Variants in SLIT1 observed in about 807,000 individuals in gnomAD.
SLIT1 encodes slit homolog 1 protein.
SLIT1 carries 66 observed loss-of-function variants against 186.1 expected under a neutral mutation model. The observed-to-expected ratio is 0.35, with a 90% CI of 0.29 to 0.44. The LOEUF is 0.44. Ranked by LOEUF, SLIT1 falls within the 20% of genes least tolerant of loss-of-function variation. SLIT1 has a pLI of 1.00. For missense variants in SLIT1, 1,638 were observed against 2,037.4 expected (o/e 0.80, Z 3.77); for synonymous variants, 761 against 833.8 (o/e 0.91, Z 1.50).
chr10:97,086,407 TA>T (rs77306001), intron 4 of SLIT1, among the ~76,000 whole-genome samples: 441 of 142,952 alleles, frequency 3.1e-3, no homozygotes, highest in South Asian at 5.4e-3. Context: ...CTGTCTCTAC[TA>T]AAAAAAAAAA....
At chr10:97,082,726 G>T (rs929127956) in intron 4 of SLIT1, among the ~76,000 whole-genome samples, 3 of 151,908 alleles carry the variant, frequency 2.0e-5, no homozygotes, top group Non-Finnish European at 4.4e-5. Flanking sequence ...GAGCCACCAC[G>T]CCCAGCCTCA....
intron 4 of SLIT1, among the ~76,000 whole-genome samples, chr10:97,109,981 C>T (rs1041032340): frequency 6.6e-6 from 1 of 152,154 alleles, no homozygotes; most frequent in Non-Finnish European, 1.5e-5. Context: ...TTAGGACAGA[C>T]CCTTAATGCC....
At chr10:97,133,355 C>A (rs1374180705) in intron 4 of SLIT1, among the ~76,000 whole-genome samples, 1 of 152,174 alleles carries the variant, frequency 6.6e-6, no homozygotes, top group Non-Finnish European at 1.5e-5. Context: ...AGTGTGAAAC[C>A]AGCCTGGGCA....
At chr10:97,158,490 C>T (rs934812194) in intron 3 of SLIT1, among the ~76,000 whole-genome samples, 3 of 151,824 alleles carry the variant, frequency 2.0e-5, no homozygotes, top group African/African-American at 7.3e-5. Context: ...GGTGAAACCC[C>T]GTCTCTACTA....
rs1262401849 is a variant in SLIT1, at chr10:97,141,668, C to CATTGT, written c.413+16145_413+16149dup. Among the ~76,000 whole-genome samples the CATTGT allele has an allele frequency of 7.1e-3, 771 of 108,526 alleles. 4 individuals are homozygous for CATTGT. The highest frequency in any genetic ancestry group is 0.021 in the East Asian group (66 of 3,122). 71.2% of individuals were successfully genotyped at this position (108,526 alleles called of 152,430 possible). On this transcript the variant is annotated intron_variant, in intron 4 of 36. Coordinates refer to ENST00000266058, the MANE Select transcript of SLIT1 (RefSeq NM_003061.3). Reference sequence around the variant, plus strand: ...TATTGCATTGTATTGTATTGCATTGCATTGTATCGTATTGTATCGTATCGT... The same window carrying CATTGT: ...TATTGCATTGTATTGTATTGCATTGCATTGTATTGTATCGTATTGTATCGTATCGT...
At chr10:97,013,196 A>G (rs1029653904) in intron 30 of SLIT1, among the ~76,000 whole-genome samples, 4 of 152,212 alleles carry the variant, frequency 2.6e-5, no homozygotes, top group African/African-American at 9.7e-5. Flanking sequence ...CACAAAATCT[A>G]TACATATTCA....
At chr10:97,095,843 C>G (rs538045639) in intron 4 of SLIT1, among the ~76,000 whole-genome samples, 2 of 152,334 alleles carry the variant, frequency 1.3e-5, no homozygotes, top group Non-Finnish European at 1.5e-5. Context: ...CAGACGCTAT[C>G]ATCTCTAAAG....
intron 4 of SLIT1, among the ~76,000 whole-genome samples, chr10:97,082,423 A>AT (rs977618418): frequency 6.6e-6 from 1 of 151,884 alleles, no homozygotes. Context: ...TAATTCTTTT[A>AT]TTTTTTATTT....
At position 97,184,038 on chromosome 10, in the gene SLIT1, A is replaced by G. The variant is rs867082990; in HGVS notation, c.197+1440T>C. 1.3e-5 allele frequency among the ~76,000 whole-genome samples: 2 copies of G among 151,114 alleles called. No individual in the cohort carries two copies. The highest frequency in any genetic ancestry group is 4.9e-5 in the African/African-American group (2 of 41,046). ...ATGCACCACACACACACACACACAC[A>G]CACACACACACACACACACACTTCC... On this transcript the variant is annotated intron_variant, in intron 1 of 36. Transcript: ENST00000266058. The surrounding 1 kb of genome is among the most constrained non-coding windows in gnomAD (Gnocchi z 4.4).
chr10:97,076,223 C>G (rs1166568755), intron 4 of SLIT1, among the ~76,000 whole-genome samples: 1 of 152,200 alleles, frequency 6.6e-6, no homozygotes, highest in Non-Finnish European at 1.5e-5. Context: ...CAGAGGAAGA[C>G]TTGGCATCTC....
intron 4 of SLIT1, among the ~76,000 whole-genome samples, chr10:97,076,240 T>C (rs1849044686): frequency 6.6e-6 from 1 of 152,184 alleles, no homozygotes. Context: ...TCTCCAGCAT[T>C]GCCAGGAGGT....
At chr10:97,069,298 A>G (rs1391514632) in intron 4 of SLIT1, among the ~76,000 whole-genome samples, 1 of 152,250 alleles carries the variant, frequency 6.6e-6, no homozygotes, top group African/African-American at 2.4e-5. Context: ...GAGTGCCCAC[A>G]GGCACCAGTG....
intron 13 of SLIT1, among the ~76,000 whole-genome samples, chr10:97,050,226 T>C (rs1848775237): frequency 6.6e-6 from 1 of 152,224 alleles, no homozygotes; most frequent in Non-Finnish European, 1.5e-5. Flanking sequence ...ATGGCCACTT[T>C]TCCTCCATCT....
At chr10:97,163,807 A>G (rs1164979398) in intron 2 of SLIT1, among the ~76,000 whole-genome samples, 1 of 152,254 alleles carries the variant, frequency 6.6e-6, no homozygotes, top group Non-Finnish European at 1.5e-5. Context: ...CAGGCCCAGC[A>G]GCAGGCAGCA....
chr10:97,096,223 T>A (rs1186755950), intron 4 of SLIT1, among the ~76,000 whole-genome samples: 2 of 152,176 alleles, frequency 1.3e-5, no homozygotes, highest in Non-Finnish European at 2.9e-5. Flanking sequence ...GCTTTTTCCT[T>A]TCCAAATGAA....
chr10:97,075,626 A>G (rs960047070), intron 4 of SLIT1, among the ~76,000 whole-genome samples: 3 of 152,126 alleles, frequency 2.0e-5, no homozygotes, highest in African/African-American at 7.2e-5. Context: ...GCCTCACACG[A>G]CTGTTATCAA....
chr10:97,130,681 T>G (rs1000069802), intron 4 of SLIT1, among the ~76,000 whole-genome samples: 2 of 152,196 alleles, frequency 1.3e-5, no homozygotes, highest in African/African-American at 4.8e-5. Flanking sequence ...TTACTTAACC[T>G]CTCTGTGCCT....
At chr10:97,038,677 C>G (rs1023454355) in intron 21 of SLIT1, among the ~76,000 whole-genome samples, 45 of 152,232 alleles carry the variant, frequency 3.0e-4, no homozygotes, top group African/African-American at 9.9e-4. Context: ...ATCTCCACCC[C>G]CCAACTAACT....
rs1848305223 is a variant in SLIT1, at chr10:97,001,243, A to G, written c.4474T>C (p.Cys1492Arg). Residue 1492 changes from cysteine (C) to arginine (R), a missense_variant, in exon 37 of 37, where the codon TGC (cysteine) becomes CGC (arginine). Coordinates refer to ENST00000266058, the MANE Select transcript of SLIT1 (RefSeq NM_003061.3). ...PLSWVECRGS[C>R]PGQGCCQGLR... is the part of the protein sequence containing the mutation. ...CCCTGGCAGCAGCCCTGGCCTGGGC[A>G]CGAGCCCCGGCACTCCACCCATGAC... The G allele has an allele frequency of 6.2e-7, 1 of 1,613,004 alleles. No individual in the cohort carries two copies. The highest frequency in any genetic ancestry group is 1.3e-5 in the African/African-American group (1 of 74,956).
Sources: gnomAD v4.1 joint callset for allele counts (sites outside exome capture counted in the v4.1 genomes callset) on GRCh38, gnomAD v4.1.1 for gene constraint, Gnocchi (gnomAD v3.1) non-coding constraint, MANE v1.5 for transcripts, NCBI Gene and HGNC (gene_info 2026-07-23, HGNC 2026-07-21) for gene names.